Variants in NSUN4 observed in about 807,000 individuals in gnomAD.
The protein encoded by NSUN4 is 5-cytosine rRNA methyltransferase NSUN4.
A neutral mutation model predicts 43.8 loss-of-function variants in NSUN4; 31 were observed. That is an observed-to-expected ratio of 0.71 (90% CI 0.53 to 0.96). The LOEUF is 0.96. NSUN4 is among the 40% of genes least tolerant of loss of function. The pLI is 0.00. For missense variants in NSUN4, 439 were observed against 475.6 expected (o/e 0.92, Z 0.72); for synonymous variants, 167 against 184.1 (o/e 0.91, Z 0.75).
chr1:46,380,851 A>T, the NSUN4 span, among the ~76,000 whole-genome samples: 4 of 152,216 alleles, frequency 2.6e-5, no homozygotes, highest in African/African-American at 9.7e-5. Flanking sequence ...AGTAATAACA[A>T]CAGCAATAAT....
chr1:46,360,324 CA>C (rs1290709802), intron 4 of NSUN4, among the ~76,000 whole-genome samples: 4 of 140,528 alleles, frequency 2.8e-5, no homozygotes, highest in Non-Finnish European at 6.0e-5. Context: ...CCCAGCTACT[CA>C]GGAGGCTGAG....
In NSUN4 at chr1:46,360,797, A is replaced by T; in HGVS notation, c.847A>T (p.Ile283Leu). 2 of 1,614,052 alleles carry T rather than the reference A, an allele frequency of 1.2e-6. No homozygotes were observed. Among genetic ancestry groups the T allele is most frequent in the Non-Finnish European group, 1.7e-6 (2 of 1,179,918 alleles). The change falls in exon 5 of 6, where the codon ATA (isoleucine) becomes TTA (leucine). Residue 283 changes from isoleucine to leucine, a missense_variant. Coordinates refer to ENST00000474844, the MANE Select transcript of NSUN4 (RefSeq NM_199044.4). Reference protein sequence around the residue: ...FKRSRKKERQILPVLQVQLLA... With the variant: ...FKRSRKKERQLLPVLQVQLLA... ...GCGGTCAAGGAAGAAGGAGCGACAG[A>T]TATTGCCTGTGCTGCAAGTGCAGCT...
At chr1:46,379,147 C>T in the NSUN4 span, among the ~76,000 whole-genome samples, 2 of 152,130 alleles carry the variant, frequency 1.3e-5, no homozygotes, top group African/African-American at 4.8e-5. Context: ...GACAAACTCT[C>T]CCCAAACTCA....
At chr1:46,373,610 T>C in the NSUN4 span, among the ~76,000 whole-genome samples, 1 of 152,178 alleles carries the variant, frequency 6.6e-6, no homozygotes, top group Non-Finnish European at 1.5e-5. Context: ...ACTCTTGTGA[T>C]AACTTGATAA....
chr1:46,351,968 A>G (rs2148391116), intron 3 of NSUN4, among the ~76,000 whole-genome samples: 1 of 150,970 alleles, frequency 6.6e-6, no homozygotes, highest in Non-Finnish European at 1.5e-5. Context: ...CTGGCCTTCC[A>G]GTCTCTTTTT....
chr1:46,382,606 CT>C, the NSUN4 span, among the ~76,000 whole-genome samples: 258 of 142,238 alleles, frequency 1.8e-3, no homozygotes, highest in South Asian at 2.0e-3. Context: ...AAAAATGCTT[CT>C]TTTTTTTTTT....
At chr1:46,368,555 G>A (rs1023070065), downstream of NSUN4, among the ~76,000 whole-genome samples, 5 of 152,122 alleles carry the variant, frequency 3.3e-5, no homozygotes, top group African/African-American at 1.2e-4. Context: ...TCAGTTAAAC[G>A]GTTAGGTGAC....
rs1269805045 is a variant in NSUN4 at position 46,360,747 on chromosome 1, A to G, written c.797A>G (p.His266Arg). 1.9e-6 allele frequency: 3 copies of G among 1,613,884 alleles called. No individual in the cohort carries two copies. The highest frequency in any genetic ancestry group is 2.5e-6 in the Non-Finnish European group (3 of 1,179,890). The change falls in exon 5 of 6, where the codon CAT becomes CGT. Residue 266 changes from histidine (H) to arginine (R), a missense_variant. Coordinates refer to ENST00000474844, the MANE Select transcript of NSUN4 (RefSeq NM_199044.4). ...VPCTTDRHSL[H>R]EEENNIFKRS... ...TGTACCACAGACCGCCACTCCCTTC[A>G]TGAGGAGGAGAACAACATCTTTAAG...
chr1:46,355,381 G>C (rs1324313358), intron 4 of NSUN4, among the ~76,000 whole-genome samples: 1 of 152,198 alleles, frequency 6.6e-6, no homozygotes, highest in Non-Finnish European at 1.5e-5. Flanking sequence ...TCTGGAGTCA[G>C]ACTGCTTGGA....
intron 3 of NSUN4, 64 bp from the exon 4 acceptor site, chr1:46,352,804 C>T: frequency 6.6e-7 from 1 of 1,523,456 alleles, no homozygotes; most frequent in South Asian, 1.1e-5. Context: ...CTGACTCCAT[C>T]AGCGCCATTG....
intron 4 of NSUN4, among the ~76,000 whole-genome samples, chr1:46,357,384 T>C (rs112778507): frequency 2.6e-5 from 4 of 152,348 alleles, no homozygotes; most frequent in African/African-American, 9.6e-5. Flanking sequence ...GGTTTTGTCA[T>C]ATTGCCCAGG....
intron 1 of NSUN4, chr1:46,342,470 C>T (rs1485906456): frequency 1.3e-5 from 5 of 399,066 alleles, no homozygotes; most frequent in East Asian, 3.6e-5. Flanking sequence ...GCCTGTGCCC[C>T]GGGAGTACTG....
At chr1:46,351,279 G>A (rs1053487620) in intron 3 of NSUN4, among the ~76,000 whole-genome samples, 8 of 152,274 alleles carry the variant, frequency 5.3e-5, no homozygotes, top group Middle Eastern at 3.4e-3. Context: ...CAGGAGAATC[G>A]CTTGAACCCG....
chr1:46,367,526 G>A (rs1195199627), downstream of NSUN4, among the ~76,000 whole-genome samples: 1 of 152,096 alleles, frequency 6.6e-6, no homozygotes, highest in African/African-American at 2.4e-5. Context: ...TTATTGCAGG[G>A]CAGGCAAGCC....
chr1:46,365,617 C>T (rs1664117550), downstream of NSUN4, among the ~76,000 whole-genome samples: 1 of 152,120 alleles, frequency 6.6e-6, no homozygotes, highest in South Asian at 2.1e-4. Flanking sequence ...GCTAGGATTA[C>T]AGGTGTGAAC....
At chr1:46,360,249 A>AAAAAAAAAATATATATAT (rs1553177947) in intron 4 of NSUN4, among the ~76,000 whole-genome samples, 1 of 25,770 alleles carries the variant, frequency 3.9e-5, no homozygotes, top group Admixed American at 5.9e-4. Context: ...AAAAAAAAAA[A>AAAAAAAAAATATATATAT]ATATATATAT....
chr1:46,358,759 C>T (rs757481817), intron 4 of NSUN4, among the ~76,000 whole-genome samples: 7 of 152,148 alleles, frequency 4.6e-5, no homozygotes, highest in Non-Finnish European at 1.0e-4. Flanking sequence ...GGGTCTCTGT[C>T]CTTGCTGTTT....
intron 3 of NSUN4, among the ~76,000 whole-genome samples, chr1:46,351,765 C>T (rs547005028): frequency 6.1e-5 from 9 of 148,116 alleles, no homozygotes; most frequent in Non-Finnish European, 8.9e-5. Context: ...CCCGGGTTCA[C>T]GCCTTTCCCC....
chr1:46,342,566 C>A, intron 1 of NSUN4: 1 of 399,476 alleles, frequency 2.5e-6, no homozygotes, highest in Non-Finnish European at 4.4e-6. Context: ...GGAACTCTTA[C>A]CTCATCCTAA....
Sources: allele counts gnomAD v4.1 joint callset (sites outside exome capture counted in the v4.1 genomes callset), GRCh38; gene constraint gnomAD v4.1.1; transcripts MANE v1.5; gene names NCBI Gene and HGNC (gene_info 2026-07-23, HGNC 2026-07-21).